The following WWOX variants were observed in gnomAD, a reference collection of about 807,000 sequenced individuals.
WWOX encodes the protein WW domain-containing oxidoreductase.
WWOX carries 69 observed loss-of-function variants against 46.2 expected under a neutral mutation model. The observed-to-expected ratio is 1.49, with a 90% CI of 1.23 to 1.82. The LOEUF is 1.82. WWOX is among the 40% of genes most tolerant of loss of function. The probability of loss-of-function intolerance (pLI) is 0.00; values close to 1 mark genes in which losing one functional copy is unlikely to be tolerated. For missense variants in WWOX, 919 were observed against 542.6 expected (o/e 1.69, Z -6.89); for synonymous variants, 359 against 202.6 (o/e 1.77, Z -6.56).
chr16:79,011,367 C>A (rs1193617653), intron 8 of WWOX, among the ~76,000 whole-genome samples: 1 of 151,954 alleles, frequency 6.6e-6, no homozygotes, highest in Admixed American at 6.6e-5. Flanking sequence ...ATCCTGCCCC[C>A]TTTGGAACTT....
intron 8 of WWOX, among the ~76,000 whole-genome samples, chr16:78,987,603 T>C (rs989297148): frequency 1.3e-5 from 2 of 152,198 alleles, no homozygotes; most frequent in South Asian, 2.1e-4. Flanking sequence ...TCAAGGACTT[T>C]CCTCTATGCT....
intron 8 of WWOX, among the ~76,000 whole-genome samples, chr16:79,149,492 C>T (rs1242313699): frequency 2.0e-5 from 3 of 152,038 alleles, no homozygotes; most frequent in Admixed American, 1.3e-4. Context: ...AGTTTAGTGC[C>T]CAACAAGGAA....
chr16:78,844,983 C>G (rs1231407258), intron 8 of WWOX, among the ~76,000 whole-genome samples: 1 of 152,150 alleles, frequency 6.6e-6, no homozygotes, highest in African/African-American at 2.4e-5. Flanking sequence ...ACTTCCTTGG[C>G]CAGCCTGAAA....
chr16:78,663,641 T>C (rs1283880604), intron 8 of WWOX, among the ~76,000 whole-genome samples: 1 of 152,218 alleles, frequency 6.6e-6, no homozygotes, highest in African/African-American at 2.4e-5. Context: ...TTAGCAGTGA[T>C]GTCTATGACA....
intron 8 of WWOX, among the ~76,000 whole-genome samples, chr16:78,977,137 A>G (rs1478249367): frequency 2.0e-5 from 3 of 152,034 alleles, no homozygotes; most frequent in African/African-American, 7.2e-5. Flanking sequence ...TTACTCCCAT[A>G]TGTGGTATCT....
At chr16:79,159,864 G>A (rs1462273734) in intron 8 of WWOX, among the ~76,000 whole-genome samples, 1 of 152,166 alleles carries the variant, frequency 6.6e-6, no homozygotes, top group Non-Finnish European at 1.5e-5. Flanking sequence ...GCCTGGGCTT[G>A]TCAGCTTGGG....
At chr16:78,477,257 A>G (rs761892114) in intron 8 of WWOX, among the ~76,000 whole-genome samples, 4 of 152,192 alleles carry the variant, frequency 2.6e-5, no homozygotes, top group Non-Finnish European at 5.9e-5. Flanking sequence ...TCTAGTCTAG[A>G]TTACCTATTG....
intron 8 of WWOX, among the ~76,000 whole-genome samples, chr16:79,029,985 C>G (rs2047721589): frequency 6.6e-6 from 1 of 152,148 alleles, no homozygotes; most frequent in African/African-American, 2.4e-5. Context: ...GGTAGGTAAG[C>G]CAACCGCTAT....
At chr16:78,733,115 A>G (rs1296612335) in intron 8 of WWOX, among the ~76,000 whole-genome samples, 10 of 152,076 alleles carry the variant, frequency 6.6e-5, no homozygotes, top group Non-Finnish European at 2.9e-5. Flanking sequence ...CCGCTGTTAC[A>G]TCATTTGTTT....
intron 8 of WWOX, among the ~76,000 whole-genome samples, chr16:78,950,200 C>T (rs12927476): frequency 1.3e-5 from 2 of 152,104 alleles, no homozygotes; most frequent in African/African-American, 2.4e-5. Flanking sequence ...TCTAATCCAT[C>T]CTTTTCCAAT....
chr16:79,189,713 G>T (rs2051093513), intron 8 of WWOX, among the ~76,000 whole-genome samples: 1 of 152,006 alleles, frequency 6.6e-6, no homozygotes, highest in Non-Finnish European at 1.5e-5. Context: ...AAGAAATGGA[G>T]CAAGGGAGGG....
intron 8 of WWOX, among the ~76,000 whole-genome samples, chr16:78,594,547 C>A (rs889010636): frequency 6.7e-6 from 1 of 150,358 alleles, no homozygotes; most frequent in African/African-American, 2.4e-5. Flanking sequence ...GTCTCAATCA[C>A]CTGGCTCAAA....
At chr16:78,306,899 A>T (rs1272168601) in intron 5 of WWOX, among the ~76,000 whole-genome samples, 1 of 152,040 alleles carries the variant, frequency 6.6e-6, no homozygotes, top group Non-Finnish European at 1.5e-5. Context: ...CCACTTGTGT[A>T]GTGTGTCTGT....
At chr16:78,529,288 A>G (rs2043561780) in intron 8 of WWOX, among the ~76,000 whole-genome samples, 1 of 152,076 alleles carries the variant, frequency 6.6e-6, no homozygotes, top group Non-Finnish European at 1.5e-5. Flanking sequence ...TTAATTAAAA[A>G]CAGTCCTGTT....
Position 78,347,195 on chromosome 16 carries a change from CT to C in WWOX, c.517-39663del, listed in dbSNP as rs1172176594. ...TCTTCCTTCTCTTTCTAATTATCTC[CT>C]TCCCCCGCCCCCTCCATTCTCTTTC... is the stretch of plus-strand genomic sequence containing the variant. On this transcript the variant is annotated intron_variant, in intron 5 of 8. Transcript: ENST00000566780. Among the ~76,000 whole-genome samples the C allele has an allele frequency of 1.4e-4, 17 of 117,734 alleles. 2 individuals carry two copies. Among genetic ancestry groups the C allele is most frequent in the Admixed American group, 5.0e-4 (6 of 11,908 alleles). 77.2% of individuals were successfully genotyped at this position (117,734 alleles called of 152,430 possible).
intron 6 of WWOX, among the ~76,000 whole-genome samples, chr16:78,404,582 C>G (rs2082483884): frequency 6.6e-6 from 1 of 152,136 alleles, no homozygotes; most frequent in South Asian, 2.1e-4. Context: ...TATCAAATTT[C>G]TTTCATATCA....
intron 5 of WWOX, among the ~76,000 whole-genome samples, chr16:78,235,244 T>G (rs976537154): frequency 1.3e-5 from 2 of 152,228 alleles, no homozygotes; most frequent in Non-Finnish European, 2.9e-5. Context: ...CGAGTGTGGC[T>G]GTGTTTGTCA....
chr16:78,354,592 G>T (rs937818910), intron 5 of WWOX, among the ~76,000 whole-genome samples: 5 of 151,986 alleles, frequency 3.3e-5, no homozygotes, highest in Admixed American at 6.6e-5. Flanking sequence ...CACTTTTAAA[G>T]GCTTTTTATC....
chr16:78,173,018 C>G (rs549671747), intron 5 of WWOX, among the ~76,000 whole-genome samples: 1 of 152,128 alleles, frequency 6.6e-6, no homozygotes, highest in East Asian at 1.9e-4. Flanking sequence ...AGAGGAGAAA[C>G]GGTCCTTGTG....
Sources: gnomAD v4.1 joint callset for allele counts (sites outside exome capture counted in the v4.1 genomes callset) on GRCh38, gnomAD v4.1.1 for gene constraint, MANE v1.5 for transcripts, NCBI Gene and HGNC (gene_info 2026-07-23, HGNC 2026-07-21) for gene names.